CHRNB1: variants seen among roughly 807,000 people sequenced by gnomAD.
CHRNB1 encodes cholinergic receptor nicotinic beta 1 subunit, also known as acetylcholine receptor subunit beta.
A neutral mutation model predicts 53.8 loss-of-function variants in CHRNB1; 47 were observed. The ratio of observed to expected loss-of-function variants is 0.87; its 90% CI spans 0.69 to 1.11. CHRNB1 has a LOEUF of 1.11. Ranked by LOEUF, CHRNB1 falls within the 50% of genes most tolerant of loss-of-function variation. The probability of loss-of-function intolerance (pLI) is 0.00; values close to 1 mark genes in which losing one functional copy is unlikely to be tolerated. For synonymous variants in CHRNB1, 259 were observed against 263.5 expected (o/e 0.98, Z 0.16); for missense variants, 605 against 654.9 (o/e 0.92, Z 0.83).
Position 7,445,615 on chromosome 17 carries a change from G to A in CHRNB1, c.198+206G>A. The A allele has an allele frequency of 4.1e-6, 6 of 1,455,078 alleles. No homozygotes were observed. The highest frequency in any genetic ancestry group is 5.4e-6 in the Non-Finnish European group (6 of 1,106,634). 90.1% of individuals were successfully genotyped at this position (1,455,078 alleles called of 1,614,324 possible). A position where few individuals can be genotyped will look rare whatever the true frequency, so the allele number is the denominator to read the frequency against. On this transcript the variant is annotated intron_variant, in intron 2 of 10. Coordinates refer to ENST00000306071, the MANE Select transcript of CHRNB1 (RefSeq NM_000747.3). This position sits in a 1 kb window ranked among gnomAD's most constrained non-coding sequence, Gnocchi z 5.7. ...GTGGACGGGCCTGGAGTAGAACTGG[G>A]TAGGGTGAAGGACGGACCTGTGATC... is the stretch of plus-strand genomic sequence containing the variant.
rs777159945 is a variant in CHRNB1 at position 7,455,940 on chromosome 17, C to G, written c.1364C>G (p.Ala455Gly). Residue 455 changes from alanine (A) to glycine (G), a missense_variant and splice_region_variant, in exon 10 of 11, where the codon GCG becomes GGG. Ala to Gly is a moderately conservative substitution (Grantham distance 60). Transcript: ENST00000306071. ...RQLQEQEDHD[A>G]LKEDWQFVAM... Reference sequence around the variant, plus strand: ...CTGCAGGAACAGGAGGACCACGATGCGGTATGTCCAACGGGGGTGGAACAA... The same window carrying G: ...CTGCAGGAACAGGAGGACCACGATGGGGTATGTCCAACGGGGGTGGAACAA... 3 of 1,598,856 alleles carry G rather than the reference C, an allele frequency of 1.9e-6. No homozygotes were observed. The highest frequency in any genetic ancestry group is 1.4e-5 in the African/African-American group (1 of 73,720).
At chr17:7,452,230 G>A (rs1188023876) in intron 7 of CHRNB1, among the ~76,000 whole-genome samples, 1 of 151,774 alleles carries the variant, frequency 6.6e-6, no homozygotes, top group Non-Finnish European at 1.5e-5. Context: ...TAAATTTTTT[G>A]TAATTTAAGT....
intron 8 of CHRNB1, among the ~76,000 whole-genome samples, 178 bp from the exon 9 acceptor site, chr17:7,455,106 C>A (rs1016903090): frequency 6.6e-6 from 1 of 151,936 alleles, no homozygotes; most frequent in African/African-American, 2.4e-5. Context: ...ACAGGCCCAA[C>A]CCACTAAAGA....
chr17:7,453,367 C>T (rs562884181), intron 7 of CHRNB1, among the ~76,000 whole-genome samples: 1 of 152,136 alleles, frequency 6.6e-6, no homozygotes. Context: ...GATTCGCCTG[C>T]CTCGGCCTCG....
chr17:7,455,971 G>C, intron 10 of CHRNB1, 30 bp downstream of exon 10: 6 of 1,612,728 alleles, frequency 3.7e-6, no homozygotes, highest in Non-Finnish European at 4.2e-6. Flanking sequence ...AACAAGGCCA[G>C]GTCTAGGCGA....
chr17:7,447,761 G>A lies in CHRNB1; in HGVS notation c.610+111G>A. On this transcript the variant is annotated intron_variant, in intron 6 of 10. Transcript: ENST00000306071. ...TATAGCCCTGTGGGGTCAGCAGGAT[G>A]GGTATGGCTATCTACATTTTAAAAG... 5 of 1,293,974 alleles carry A rather than the reference G, an allele frequency of 3.9e-6. No homozygotes were observed. In the South Asian group the frequency reaches 4.8e-5, roughly 12 times the overall value. The allele number at this position is 1,293,974 out of a possible 1,614,324, so 80.2% of individuals were successfully genotyped here.
rs1293935660 is a variant in CHRNB1 at position 7,451,271 on chromosome 17, TTTC to T, written c.820+2486_820+2488del. On this transcript the variant is annotated intron_variant, in intron 7 of 10. Transcript: ENST00000306071. Reference sequence around the variant, plus strand: ...TTCAGGTTCTTTTCTTTTCTTTTCTTTTCTTTTTTTTTTTTTTTTTTTTGAGAC... The same window carrying T: ...TTCAGGTTCTTTTCTTTTCTTTTCTTTTTTTTTTTTTTTTTTTTTTGAGAC... Among the ~76,000 whole-genome samples the T allele has an allele frequency of 7.7e-4, 105 of 135,820 alleles. 2 individuals carry two copies. Among genetic ancestry groups the T allele is most frequent in the African/African-American group, 2.6e-3 (91 of 35,136 alleles). The allele number at this position is 135,820 out of a possible 152,430, so 89.1% of individuals were successfully genotyped here.
At chr17:7,450,865 T>C (rs930473063) in intron 7 of CHRNB1, among the ~76,000 whole-genome samples, 2 of 152,190 alleles carry the variant, frequency 1.3e-5, no homozygotes, top group African/African-American at 4.8e-5. Context: ...CAAAACATGC[T>C]TTCCTCCTCT....
intron 7 of CHRNB1, among the ~76,000 whole-genome samples, chr17:7,449,104 ATTT>A (rs34122873): frequency 7.5e-6 from 1 of 132,598 alleles, no homozygotes; most frequent in East Asian, 2.2e-4. Context: ...TACTCCTTTA[ATTT>A]TTTTTTTTTT....
At chr17:7,450,579 A>C (rs1908849834) in intron 7 of CHRNB1, among the ~76,000 whole-genome samples, 1 of 152,206 alleles carries the variant, frequency 6.6e-6, no homozygotes, top group Non-Finnish European at 1.5e-5. Context: ...CTATGTAAGC[A>C]CTGGGTTTTG....
Position 7,445,861 on chromosome 17 carries a change from T to C in CHRNB1, c.199-208T>C. 4.7e-6 allele frequency: 3 copies of C among 635,168 alleles called. No homozygotes were observed. In the South Asian group the frequency reaches 5.5e-5, roughly 12 times the overall value. 39.3% of individuals were successfully genotyped at this position (635,168 alleles called of 1,614,324 possible). A position where few individuals can be genotyped will look rare whatever the true frequency, so the allele number is the denominator to read the frequency against. ...GGCAGGGGCGGGTCTGGTAGGTTGA[T>C]AGGCTGGGAGTGTAGACGGCAGGAA... On this transcript the variant is annotated intron_variant, in intron 2 of 10. Coordinates refer to ENST00000306071, the MANE Select transcript of CHRNB1 (RefSeq NM_000747.3). This position sits in a 1 kb window ranked among gnomAD's most constrained non-coding sequence, Gnocchi z 5.7.
Position 7,457,011 on chromosome 17 carries a change from C to T in CHRNB1, c.*288C>T, listed in dbSNP as rs894199982. The T allele has an allele frequency of 1.2e-5, 5 of 428,244 alleles. No homozygotes were observed. The highest frequency in any genetic ancestry group is 1.3e-5 in the Non-Finnish European group (3 of 231,368). The allele number at this position is 428,244 out of a possible 1,614,324, so 26.5% of individuals were successfully genotyped here. A position where few individuals can be genotyped will look rare whatever the true frequency, so the allele number is the denominator to read the frequency against. On this transcript the variant is annotated 3_prime_UTR_variant, in exon 11 of 11. Coordinates refer to ENST00000306071, the MANE Select transcript of CHRNB1 (RefSeq NM_000747.3). The stretch of plus-strand genomic sequence containing the variant: ...ACAGAACAGGAACTAGATTATAAGC[C>T]TTATGAGGTCAAGAAATGTGACTTG...
At chr17:7,455,760 T>G (rs1394834682) in intron 9 of CHRNB1, 34 bp from the exon 10 acceptor site, 2 of 1,613,992 alleles carry the variant, frequency 1.2e-6, no homozygotes, top group African/African-American at 1.3e-5. Context: ...TGGCTGTCTT[T>G]GCGTTTGGGC....
At position 7,448,517 on chromosome 17, in the gene CHRNB1, A is replaced by G. The variant is rs12452047; in HGVS notation, c.611-62A>G. 244,322 of 1,539,548 alleles carry G rather than the reference A, an allele frequency of 0.16. 20,402 individuals carry two copies. The highest frequency in any genetic ancestry group is 0.22 in the South Asian group (19,059 of 88,328). On this transcript the variant is annotated intron_variant, in intron 6 of 10. Coordinates refer to ENST00000306071, the MANE Select transcript of CHRNB1 (RefSeq NM_000747.3). ...GGTCTAGGCTGTGGCAGAGCAAGCCATACCTGGCACTAACCAGGACAGCTC... is the reference window on the plus strand; with the variant it reads ...GGTCTAGGCTGTGGCAGAGCAAGCCGTACCTGGCACTAACCAGGACAGCTC...
intron 7 of CHRNB1, among the ~76,000 whole-genome samples, chr17:7,449,354 C>T (rs1476594228): frequency 1.3e-5 from 2 of 150,280 alleles, no homozygotes; most frequent in Non-Finnish European, 3.0e-5. Context: ...CTGCCCGCCT[C>T]GGCCTCCCAA....
Position 7,456,839 on chromosome 17 carries a change from T to C in CHRNB1, c.*116T>C, listed in dbSNP as rs73233980. 1,337 of 1,431,028 alleles carry C rather than the reference T, an allele frequency of 9.3e-4. 14 individuals are homozygous for C. The African/African-American group carries it at 0.017, about 19-fold the overall frequency. 88.6% of individuals were successfully genotyped at this position (1,431,028 alleles called of 1,614,324 possible). ...CTTCACGAGGAATCTGGGCCTCTTA[T>C]TTCGTTTCTGGGGACTGCATTGGAC... On this transcript the variant is annotated 3_prime_UTR_variant, in exon 11 of 11. Coordinates refer to ENST00000306071, the MANE Select transcript of CHRNB1 (RefSeq NM_000747.3).
chr17:7,454,492 C>A lies in CHRNB1; in HGVS notation c.1016C>A (p.Thr339Asn). 6.2e-7 allele frequency: 1 copy of A among 1,614,162 alleles called. No homozygotes were observed. ...VLNLHHRSPH[T>N]HQMPLWVRQI... ...AACCTGCACCACCGCTCACCCCACA[C>A]CCACCAAATGCCCCTTTGGGTCCGT... The change falls in exon 8 of 11, where the codon ACC becomes AAC. Residue 339 changes from threonine to asparagine, a missense_variant. Transcript: ENST00000306071.
At chr17:7,450,319 GTT>G (rs1455318820) in intron 7 of CHRNB1, among the ~76,000 whole-genome samples, 1 of 151,676 alleles carries the variant, frequency 6.6e-6, no homozygotes, top group East Asian at 1.9e-4. Context: ...AATTTTTGTA[GTT>G]TTAGTAGAGA....
At chr17:7,456,452 C>T (rs921720385) in intron 10 of CHRNB1, 131 bp from the exon 11 acceptor site, 19 of 1,160,704 alleles carry the variant, frequency 1.6e-5, no homozygotes, top group Non-Finnish European at 1.9e-5. Context: ...TCTCGCTCTC[C>T]TGTTGGCGCT....
Sources: gnomAD v4.1 joint callset for allele counts (sites outside exome capture counted in the v4.1 genomes callset) on GRCh38, gnomAD v4.1.1 for gene constraint, Gnocchi (gnomAD v3.1) non-coding constraint, MANE v1.5 for transcripts, NCBI Gene and HGNC (gene_info 2026-07-23, HGNC 2026-07-21) for gene names.